Variants in LRIG2 observed in about 807,000 individuals in gnomAD.
LRIG2 encodes the protein leucine rich repeats and immunoglobulin like domains 2.
LRIG2 carries 93 observed loss-of-function variants against 107.8 expected under a neutral mutation model. The observed-to-expected ratio is 0.86, with a 90% CI of 0.73 to 1.03. The LOEUF is 1.03. LRIG2 is among the 50% of genes least tolerant of loss of function. LRIG2 has a pLI of 0.00. For missense variants in LRIG2, 1,226 were observed against 1,296.0 expected (o/e 0.95, Z 0.83); for synonymous variants, 471 against 470.6 (o/e 1.00, Z -0.01).
rs1557919283 is a variant in LRIG2 at position 113,116,356 on chromosome 1, A to AAGGCTACAGCAACTCTGAGGC, written c.2605_2625dup (p.Tyr869_Gly875dup). On this transcript the variant is annotated inframe_insertion, in exon 16 of 18. Transcript: ENST00000361127. ...CAAGGAACGCTGTCTGAGCCACAGG[A>AAGGCTACAGCAACTCTGAGGC]AGGCTACAGCAACTCTGAGGCAGGC... 3.1e-6 allele frequency: 5 copies of AAGGCTACAGCAACTCTGAGGC among 1,614,046 alleles called. No homozygotes were observed. The highest frequency in any genetic ancestry group is 4.2e-6 in the Non-Finnish European group (5 of 1,179,946).
chr1:113,111,896 C>T (rs781769585), intron 13 of LRIG2, among the ~76,000 whole-genome samples: 4 of 152,028 alleles, frequency 2.6e-5, no homozygotes, highest in Non-Finnish European at 5.9e-5. Flanking sequence ...CAGCCTTCGC[C>T]TCCTAGTTTC....
At chr1:113,087,262 G>A (rs1415236045) in intron 1 of LRIG2, among the ~76,000 whole-genome samples, 1 of 152,232 alleles carries the variant, frequency 6.6e-6, no homozygotes, top group Non-Finnish European at 1.5e-5. Context: ...AGAACAGTGA[G>A]AGACTTCAAT....
chr1:113,086,636 T>G (rs976985379), intron 1 of LRIG2, among the ~76,000 whole-genome samples: 1 of 152,214 alleles, frequency 6.6e-6, no homozygotes, highest in Non-Finnish European at 1.5e-5. Flanking sequence ...ATTTTCTCTT[T>G]GAACTGTTGT....
At chr1:113,123,226 A>G (rs761523279) in intron 17 of LRIG2, among the ~76,000 whole-genome samples, 2 of 152,248 alleles carry the variant, frequency 1.3e-5, no homozygotes, top group Non-Finnish European at 2.9e-5. Flanking sequence ...TTTCATTACA[A>G]TATGGATACC....
At chr1:113,114,349 T>G in intron 14 of LRIG2, 78 bp from the exon 15 acceptor site, 4 of 816,442 alleles carry the variant, frequency 4.9e-6, no homozygotes, top group Non-Finnish European at 7.8e-6. Context: ...TATACCCCCA[T>G]TGGTCTAATT....
At chr1:113,078,193 CAT>C (rs1490356447) in intron 1 of LRIG2, among the ~76,000 whole-genome samples, 3 of 151,440 alleles carry the variant, frequency 2.0e-5, no homozygotes, top group East Asian at 1.9e-4. Flanking sequence ...CCACAGTAAA[CAT>C]ATGTGTGCAT....
chr1:113,084,213 CT>C (rs66711679), intron 1 of LRIG2, among the ~76,000 whole-genome samples: 2,423 of 120,862 alleles, frequency 0.02, 76 homozygotes, highest in African/African-American at 0.07. Flanking sequence ...TTACTTAATT[CT>C]TTTTTTTTTT....
rs1351949299 is a variant in LRIG2, at chr1:113,089,698, T to TTTTG, written c.240-1620_240-1619insTTTG. ...TTGCTTTTTTTTTTTTTTTTTTTTT[T>TTTTG]GGAGACAGAGTCTTGCTTTGTCACC... On this transcript the variant is annotated intron_variant, in intron 1 of 17. Transcript: ENST00000361127. Among the ~76,000 whole-genome samples the TTTTG allele has an allele frequency of 3.6e-4, 52 of 144,582 alleles. No individual in the cohort carries two copies. The East Asian group carries it at 6.9e-3, about 19-fold the overall frequency. 94.9% of individuals were successfully genotyped at this position (144,582 alleles called of 152,430 possible). A position where few individuals can be genotyped will look rare whatever the true frequency, so the allele number is the denominator to read the frequency against.
At position 113,091,329 on chromosome 1, in the gene LRIG2, A is replaced by G. The variant is rs202126568; in HGVS notation, c.251A>G (p.His84Arg). Residue 84 changes from histidine to arginine, a missense_variant, in exon 2 of 18, where the codon CAT (histidine) becomes CGT (arginine). Coordinates refer to ENST00000361127, the MANE Select transcript of LRIG2 (RefSeq NM_014813.3). ...PPDTAILDFS[H>R]NRLSNWNISL... ...TTGTCCTCTTTCAGGGATTTCAGTC[A>G]TAATCGGTTGTCTAACTGGAACATC... The G allele has an allele frequency of 1.0e-5, 16 of 1,604,816 alleles. No homozygotes were observed. Among genetic ancestry groups the G allele is most frequent in the East Asian group, 2.2e-5 (1 of 44,650 alleles).
rs1361909197 is a variant in LRIG2, at chr1:113,127,465, C to T, written c.*3364C>T. 6.7e-6 allele frequency: 1 copy of T among 150,000 alleles called. No individual in the cohort carries two copies. Among genetic ancestry groups the T allele is most frequent in the Non-Finnish European group, 1.5e-5 (1 of 67,936 alleles). 9.3% of individuals were successfully genotyped at this position (150,000 alleles called of 1,614,324 possible). On this transcript the variant is annotated 3_prime_UTR_variant, in exon 18 of 18. Transcript: ENST00000361127. Reference sequence around the variant, plus strand: ...CAGGCTGGTCTTGAACTCCTGACCTCAGGTGATCTGCTTGCCTTGGCCTCC... The same window carrying T: ...CAGGCTGGTCTTGAACTCCTGACCTTAGGTGATCTGCTTGCCTTGGCCTCC...
intron 17 of LRIG2, among the ~76,000 whole-genome samples, chr1:113,121,228 G>C (rs1338181569): frequency 6.6e-6 from 1 of 152,210 alleles, no homozygotes; most frequent in African/African-American, 2.4e-5. Flanking sequence ...TCATAAGTGA[G>C]AACGCAGTTT....
At chr1:113,078,004 C>A (rs1182047761) in intron 1 of LRIG2, among the ~76,000 whole-genome samples, 1 of 150,688 alleles carries the variant, frequency 6.6e-6, no homozygotes, top group Non-Finnish European at 1.5e-5. Flanking sequence ...TTTGTCCTTG[C>A]AATAGTTTGC....
At chr1:113,089,064 A>G (rs1424003507) in intron 1 of LRIG2, among the ~76,000 whole-genome samples, 1 of 152,208 alleles carries the variant, frequency 6.6e-6, no homozygotes, top group Non-Finnish European at 1.5e-5. Context: ...AAGCTCTTAA[A>G]TGAAAGTGGC....
chr1:113,119,597 G>A (rs1655164013), intron 17 of LRIG2, 74 bp downstream of exon 17: 1 of 1,417,704 alleles, frequency 7.1e-7, no homozygotes, highest in African/African-American at 1.4e-5. Flanking sequence ...CATATAGGTA[G>A]TGCTCTCATT....
chr1:113,116,869 C>G (rs1655039707), intron 16 of LRIG2, among the ~76,000 whole-genome samples: 1 of 152,094 alleles, frequency 6.6e-6, no homozygotes, highest in Non-Finnish European at 1.5e-5. Context: ...TCCCATCTAC[C>G]CACGAGGCTG....
Position 113,124,930 on chromosome 1 carries a change from G to A in LRIG2, c.*829G>A, listed in dbSNP as rs941382018. The A allele has an allele frequency of 1.3e-5, 2 of 152,132 alleles. No individual in the cohort carries two copies. The highest frequency in any genetic ancestry group is 4.8e-5 in the African/African-American group (2 of 41,412). The allele number at this position is 152,132 out of a possible 1,614,324, so 9.4% of individuals were successfully genotyped here. A position where few individuals can be genotyped will look rare whatever the true frequency, so the allele number is the denominator to read the frequency against. On this transcript the variant is annotated 3_prime_UTR_variant, in exon 18 of 18. Transcript: ENST00000361127. ...AATCCCAGCATTTTGAGAGGCTAAG[G>A]TGGGAGGATTGCTTGAGGCCAGGAA...
chr1:113,094,436 A>C lies in LRIG2; in HGVS notation c.613A>C (p.Ser205Arg), dbSNP rs576645250. The change falls in exon 5 of 18, where the codon AGC becomes CGC. Residue 205 changes from serine to arginine, a missense_variant. Ser to Arg is a moderately radical substitution (Grantham distance 110). Around this residue, in one of 3 missense-constraint regions of LRIG2, gnomAD observed 570 missense variants for 550.2 expected, o/e 1.04. Transcript: ENST00000361127. ...GGTAAAGTTAAACCGTAACCGAATG[A>C]GCATGATTCCACCTAAGATCTTCAA... ...LVVKLNRNRM[S>R]MIPPKIFKLP... 1 of 1,613,274 alleles carries C rather than the reference A, an allele frequency of 6.2e-7. No individual in the cohort carries two copies. Among genetic ancestry groups the C allele is most frequent in the South Asian group, 1.1e-5 (1 of 90,512 alleles).
chr1:113,078,343 A>C (rs1026777178), intron 1 of LRIG2, among the ~76,000 whole-genome samples: 2 of 150,762 alleles, frequency 1.3e-5, no homozygotes, highest in Non-Finnish European at 2.9e-5. Flanking sequence ...GGTTTGAGCG[A>C]TTCTCCTGCC....
chr1:113,097,392 A>G (rs185190986), intron 8 of LRIG2, among the ~76,000 whole-genome samples: 2 of 151,452 alleles, frequency 1.3e-5, no homozygotes, highest in East Asian at 3.9e-4. Flanking sequence ...CCCAACTTGG[A>G]GACATAACCA....
Sources: gnomAD v4.1 joint callset for allele counts (sites outside exome capture counted in the v4.1 genomes callset) on GRCh38, gnomAD v4.1.1 for gene constraint, gnomAD v4.1.1 regional missense constraint, MANE v1.5 for transcripts, NCBI Gene and HGNC (gene_info 2026-07-23, HGNC 2026-07-21) for gene names.